The following ATP9B variants were observed in gnomAD, a reference collection of about 807,000 sequenced individuals.
ATP9B encodes ATPase phospholipid transporting 9B.
In ATP9B, 110 loss-of-function variants were observed where a neutral mutation model predicts 146.1. The ratio of observed to expected loss-of-function variants is 0.75; its 90% CI spans 0.65 to 0.88. The LOEUF (loss-of-function observed/expected upper bound fraction) is 0.88, where lower values mean the gene tolerates loss of function less well. Among genes scored for constraint, ATP9B ranks in the 40% least tolerant of loss-of-function variants. ATP9B has a pLI of 0.00. For synonymous variants in ATP9B, 604 were observed against 569.7 expected, an observed-to-expected ratio of 1.06 and a Z score of -0.86; for missense variants, 1,499 against 1,496.4, an observed-to-expected ratio of 1.00 and a Z score of -0.03.
At chr18:79,208,411 C>A (rs1973677330) in intron 10 of ATP9B, among the ~76,000 whole-genome samples, 1 of 152,042 alleles carries the variant, frequency 6.6e-6, no homozygotes, top group African/African-American at 2.4e-5. Flanking sequence ...AGAGACAGTA[C>A]CTTGAAGAAA....
chr18:79,159,970 G>C (rs775602416), intron 7 of ATP9B, among the ~76,000 whole-genome samples: 1 of 152,090 alleles, frequency 6.6e-6, no homozygotes, highest in Non-Finnish European at 1.5e-5. Flanking sequence ...AGGTTCCATC[G>C]ATCTCTGCCT....
At position 79,071,399 on chromosome 18, in the gene ATP9B, C is replaced by CTTTTTTTTTTTT. The variant is rs56119715; in HGVS notation, c.119+1873_119+1884dup. On this transcript the variant is annotated intron_variant, in intron 1 of 29. Coordinates refer to ENST00000426216, the MANE Select transcript of ATP9B (RefSeq NM_198531.5). ...ATTTCCCCTTTTTCTATTGTTCTTC[C>CTTTTTTTTTTTT]TTTTTTTTTTTTTTGAGACAGGGTC... 2.9e-3 allele frequency among the ~76,000 whole-genome samples: 202 copies of CTTTTTTTTTTTT among 69,262 alleles called. 48 individuals are homozygous for CTTTTTTTTTTTT. The highest frequency in any genetic ancestry group is 5.0e-3 in the Admixed American group (18 of 3,636). The allele number at this position is 69,262 out of a possible 152,430, so 45.4% of individuals were successfully genotyped here.
chr18:79,069,573 G>A, intron 1 of ATP9B, 44 bp downstream of exon 1: 1 of 1,231,084 alleles, frequency 8.1e-7, no homozygotes, highest in Non-Finnish European at 1.0e-6. Context: ...GACGCTCCCC[G>A]GGGCCCCCAG....
Position 79,271,215 on chromosome 18 carries a change from G to GT in ATP9B, c.1269-5838dup, listed in dbSNP as rs1454492588. On this transcript the variant is annotated intron_variant, in intron 12 of 29. Transcript: ENST00000426216. ...CTTACACCAGTTTAAATGACTTTCTGTAATACTTTGCTGTATTTTCTTTAT... is the reference window on the plus strand; with the variant it reads ...CTTACACCAGTTTAAATGACTTTCTGTTAATACTTTGCTGTATTTTCTTTAT... Among the ~76,000 whole-genome samples, 3 of 152,006 alleles carry GT rather than the reference G, an allele frequency of 2.0e-5. No individual in the cohort carries two copies. The East Asian group carries it at 5.8e-4, about 29-fold the overall frequency.
At chr18:79,191,887 T>A (rs989282477) in intron 8 of ATP9B, among the ~76,000 whole-genome samples, 3 of 152,208 alleles carry the variant, frequency 2.0e-5, no homozygotes, top group African/African-American at 4.8e-5. Flanking sequence ...TTCATTTTTT[T>A]AAATGATTCA....
chr18:79,188,934 C>T (rs1001465647), intron 8 of ATP9B, among the ~76,000 whole-genome samples: 1 of 150,688 alleles, frequency 6.6e-6, no homozygotes, highest in Non-Finnish European at 1.5e-5. Context: ...CTAAAATATG[C>T]CTTTAACTAG....
At position 79,336,660 on chromosome 18, in the gene ATP9B, C is replaced by T; in HGVS notation, c.2061C>T (p.Thr687=). 6.2e-7 allele frequency: 1 copy of T among 1,612,544 alleles called. No homozygotes were observed. Among genetic ancestry groups the T allele is most frequent in the South Asian group, 1.1e-5 (1 of 90,740 alleles). Residue 687 remains threonine, a synonymous_variant, in exon 18 of 30, where the codon ACC becomes ACT. Coordinates refer to ENST00000426216, the MANE Select transcript of ATP9B (RefSeq NM_198531.5). ...CGNMAREGLR[T]LVVAKKALTE... ...ACATGGCTCGCGAAGGACTGCGGAC[C>T]CTCGTGGTTGCAAAGAAGGCGTTGA... is the stretch of plus-strand genomic sequence containing the variant.
chr18:79,074,658 C>T (rs1302506632), intron 1 of ATP9B, among the ~76,000 whole-genome samples: 2 of 152,182 alleles, frequency 1.3e-5, no homozygotes, highest in Non-Finnish European at 2.9e-5. Flanking sequence ...AGGGGAGCCT[C>T]AGGCCCCAGT....
intron 2 of ATP9B, among the ~76,000 whole-genome samples, chr18:79,097,924 T>C (rs965183600): frequency 2.6e-5 from 4 of 151,716 alleles, no homozygotes; most frequent in African/African-American, 7.3e-5. Context: ...ATGGTATTTC[T>C]AGTTCTAGAT....
intron 10 of ATP9B, among the ~76,000 whole-genome samples, chr18:79,212,642 C>G (rs1192932078): frequency 6.6e-6 from 1 of 152,132 alleles, no homozygotes; most frequent in East Asian, 1.9e-4. Context: ...TAATATTTAG[C>G]TTCACTGATG....
At chr18:79,345,931 A>G (rs2096883706) in intron 23 of ATP9B, 92 bp downstream of exon 23, 2 of 1,412,546 alleles carry the variant, frequency 1.4e-6, no homozygotes, top group Admixed American at 1.7e-5. Flanking sequence ...CTCAGCACCT[A>G]CTTGGTCAGT....
chr18:79,073,109 G>T (rs1342663441), intron 1 of ATP9B, among the ~76,000 whole-genome samples: 1 of 151,444 alleles, frequency 6.6e-6, no homozygotes, highest in Non-Finnish European at 1.5e-5. Flanking sequence ...CCTAGATGGG[G>T]TGGCGGCCGG....
chr18:79,144,491 G>A lies in ATP9B; in HGVS notation c.726+631G>A, dbSNP rs1217414850. On this transcript the variant is annotated intron_variant, in intron 6 of 29. Transcript: ENST00000426216. ...GGAGTGTGCAACCTAGGTCCCTTGC[G>A]TGTGCAGTTCACAATAGGGCTCTTG... 7.2e-5 allele frequency among the ~76,000 whole-genome samples: 11 copies of A among 152,162 alleles called. No individual in the cohort carries two copies. In the South Asian group the frequency reaches 2.1e-3, roughly 29 times the overall value.
intron 13 of ATP9B, among the ~76,000 whole-genome samples, chr18:79,286,210 G>A (rs1205964278): frequency 1.3e-5 from 2 of 152,062 alleles, no homozygotes; most frequent in Non-Finnish European, 2.9e-5. Context: ...ACCTTGGGCA[G>A]TACGGCCATT....
At chr18:79,301,388 T>A (rs1195595470) in intron 13 of ATP9B, among the ~76,000 whole-genome samples, 1 of 152,082 alleles carries the variant, frequency 6.6e-6, no homozygotes, top group Non-Finnish European at 1.5e-5. Flanking sequence ...GCTACTGGGG[T>A]GGCTGAGGCA....
At chr18:79,260,783 C>G (rs747727067) in intron 12 of ATP9B, among the ~76,000 whole-genome samples, 14 of 152,324 alleles carry the variant, frequency 9.2e-5, no homozygotes, top group African/African-American at 3.4e-4. Flanking sequence ...GTGCAGAGGC[C>G]ATGGAGCTGC....
chr18:79,211,349 A>G (rs1208306169), intron 10 of ATP9B, among the ~76,000 whole-genome samples: 2 of 152,262 alleles, frequency 1.3e-5, no homozygotes, highest in Non-Finnish European at 2.9e-5. Context: ...GAAGGCACAT[A>G]GTAACTAACA....
intron 1 of ATP9B, among the ~76,000 whole-genome samples, chr18:79,070,554 G>A (rs974355834): frequency 2.6e-5 from 4 of 152,220 alleles, no homozygotes; most frequent in African/African-American, 9.7e-5. Context: ...GGGTTCTGGT[G>A]TTACCTATAA....
intron 8 of ATP9B, among the ~76,000 whole-genome samples, chr18:79,177,626 T>C (rs1198880455): frequency 3.3e-5 from 5 of 152,250 alleles, no homozygotes; most frequent in African/African-American, 1.2e-4. Context: ...AGTACATACA[T>C]GCTCGTGTGT....
Sources: gnomAD v4.1 joint callset for allele counts (sites outside exome capture counted in the v4.1 genomes callset) on GRCh38, gnomAD v4.1.1 for gene constraint, MANE v1.5 for transcripts, NCBI Gene and HGNC (gene_info 2026-07-23, HGNC 2026-07-21) for gene names.